TMEM266: variants seen among roughly 807,000 people sequenced by gnomAD.
TMEM266 encodes transmembrane protein 266, also known as Hv1 related protein 1.
TMEM266 carries 33 observed loss-of-function variants against 50.5 expected under a neutral mutation model. The observed-to-expected ratio is 0.65, with a 90% CI of 0.50 to 0.87. The LOEUF (loss-of-function observed/expected upper bound fraction) is 0.87, where lower values mean the gene tolerates loss of function less well. Ranked by LOEUF, TMEM266 falls within the 40% of genes least tolerant of loss-of-function variation. The pLI is 0.00. For synonymous variants in TMEM266, 310 were observed against 292.3 expected, an observed-to-expected ratio of 1.06 and a Z score of -0.62; for missense variants, 655 against 695.1, an observed-to-expected ratio of 0.94 and a Z score of 0.65.
At chr15:76,086,551 C>G (rs531921474) in intron 1 of TMEM266, among the ~76,000 whole-genome samples, 2 of 152,152 alleles carry the variant, frequency 1.3e-5, no homozygotes, top group Admixed American at 6.5e-5. Context: ...TGAAAGTACT[C>G]TCCACAGGCT....
At chr15:76,065,056 A>G (rs1296827421) in intron 1 of TMEM266, among the ~76,000 whole-genome samples, 3 of 152,368 alleles carry the variant, frequency 2.0e-5, no homozygotes, top group Non-Finnish European at 4.4e-5. Flanking sequence ...CTTTTAAAAA[A>G]CAATTTCTAT....
Position 76,166,233 on chromosome 15 carries a change from C to CG in TMEM266, c.457-3576dup, listed in dbSNP as rs906502247. ...GTGTCTGGGGAGGGGAAGGATGCTGCGGGGGGGAAAAGCCAGCAGGTGGGG... is the reference window on the plus strand; with the variant it reads ...GTGTCTGGGGAGGGGAAGGATGCTGCGGGGGGGGAAAAGCCAGCAGGTGGGG... On this transcript the variant is annotated intron_variant, in intron 5 of 10. Transcript: ENST00000388942. Among the ~76,000 whole-genome samples the CG allele has an allele frequency of 4.9e-4, 75 of 151,634 alleles. 1 individual carries two copies. The highest frequency in any genetic ancestry group is 1.1e-3 in the Admixed American group (17 of 15,224).
chr15:76,076,370 T>A (rs985673795), intron 1 of TMEM266, among the ~76,000 whole-genome samples: 1 of 152,078 alleles, frequency 6.6e-6, no homozygotes, highest in African/African-American at 2.4e-5. Flanking sequence ...AATACACTCC[T>A]TCTCTTGGAC....
At chr15:76,092,672 A>G (rs1029095322) in intron 1 of TMEM266, among the ~76,000 whole-genome samples, 3 of 151,578 alleles carry the variant, frequency 2.0e-5, no homozygotes, top group Admixed American at 1.3e-4. Flanking sequence ...CCTGGGCAAC[A>G]GAGCAAGACT....
intron 1 of TMEM266, among the ~76,000 whole-genome samples, chr15:76,065,893 C>T (rs540771389): frequency 1.3e-4 from 20 of 152,080 alleles, no homozygotes; most frequent in Non-Finnish European, 2.1e-4. Context: ...CCGCGCACTC[C>T]CCACTCAACC....
At chr15:76,167,615 C>T (rs1002442141) in intron 5 of TMEM266, among the ~76,000 whole-genome samples, 7 of 152,038 alleles carry the variant, frequency 4.6e-5, no homozygotes, top group Non-Finnish European at 8.8e-5. Flanking sequence ...AATTCTCCTG[C>T]CTCAGCCTTC....
chr15:76,109,637 G>A (rs2033685940), intron 1 of TMEM266, among the ~76,000 whole-genome samples: 1 of 152,096 alleles, frequency 6.6e-6, no homozygotes, highest in African/African-American at 2.4e-5. Flanking sequence ...CTCCAGCCTG[G>A]GTGACAGAAT....
chr15:76,146,403 T>C (rs939521753), intron 3 of TMEM266, among the ~76,000 whole-genome samples: 4 of 152,162 alleles, frequency 2.6e-5, no homozygotes, highest in Non-Finnish European at 5.9e-5. Context: ...TTTTATATCT[T>C]AGGGTTCTAA....
Position 76,128,260 on chromosome 15 carries a change from G to A in TMEM266, c.-96-5908G>A, listed in dbSNP as rs375107844. On this transcript the variant is annotated intron_variant, in intron 1 of 10. Coordinates refer to ENST00000388942, the MANE Select transcript of TMEM266 (RefSeq NM_152335.3). ...AGTAAGAGGTGATGAACAGACCTGG[G>A]GTCCTCTGGGGACAGGTGAGTTGAA... Among the ~76,000 whole-genome samples the A allele has an allele frequency of 5.9e-5, 9 of 152,306 alleles. No homozygotes were observed. In the East Asian group the frequency reaches 1.5e-3, roughly 26 times the overall value.
chr15:76,164,082 C>G (rs1044672775), intron 5 of TMEM266, among the ~76,000 whole-genome samples: 2 of 152,186 alleles, frequency 1.3e-5, no homozygotes, highest in Non-Finnish European at 2.9e-5. Context: ...TAGTAATCTG[C>G]TTTTGTCTCT....
intron 4 of TMEM266, among the ~76,000 whole-genome samples, chr15:76,159,613 G>A (rs1440818523): frequency 6.6e-6 from 1 of 152,156 alleles, no homozygotes; most frequent in Non-Finnish European, 1.5e-5. Context: ...TCGGTTTCCA[G>A]AATGAAAAGT....
intron 9 of TMEM266, among the ~76,000 whole-genome samples, chr15:76,197,765 G>A (rs1381965677): frequency 6.6e-6 from 1 of 152,092 alleles, no homozygotes; most frequent in Admixed American, 6.5e-5. Flanking sequence ...CATGTGGTTG[G>A]CGCCCCATGC....
intron 4 of TMEM266, among the ~76,000 whole-genome samples, chr15:76,157,876 T>C (rs2037950734): frequency 6.6e-6 from 1 of 152,048 alleles, no homozygotes; most frequent in Non-Finnish European, 1.5e-5. Flanking sequence ...TAGTCCCAGC[T>C]CCTCGGGAGG....
rs2038810832 is a variant in TMEM266 at position 76,204,714 on chromosome 15, A to C, written c.*399A>C. 2 of 160,268 alleles carry C rather than the reference A, an allele frequency of 1.2e-5. No homozygotes were observed. Among genetic ancestry groups the C allele is most frequent in the African/African-American group, 2.4e-5 (1 of 41,634 alleles). The allele number at this position is 160,268 out of a possible 1,614,324, so 9.9% of individuals were successfully genotyped here. On this transcript the variant is annotated 3_prime_UTR_variant, in exon 11 of 11. Coordinates refer to ENST00000388942, the MANE Select transcript of TMEM266 (RefSeq NM_152335.3). Reference sequence around the variant, plus strand: ...GCAGGGGCTGTCCAGCCCCACCCCTAAGCCGTCTTTCCCAGGAATCCTGGG... The same window carrying C: ...GCAGGGGCTGTCCAGCCCCACCCCTCAGCCGTCTTTCCCAGGAATCCTGGG...
At chr15:76,169,047 C>T (rs2038144954) in intron 5 of TMEM266, among the ~76,000 whole-genome samples, 1 of 152,194 alleles carries the variant, frequency 6.6e-6, no homozygotes, top group African/African-American at 2.4e-5. Flanking sequence ...TTGTTGGGGA[C>T]CCAGCAGGCT....
intron 9 of TMEM266, 67 bp downstream of exon 9, chr15:76,192,224 G>T (rs2142082583): frequency 1.0e-5 from 14 of 1,352,112 alleles, no homozygotes; most frequent in East Asian, 9.1e-5. Flanking sequence ...TCCCTCTCGC[G>T]CCCCGGGACT....
At chr15:76,199,786 AGCTGGAGCCCATAGTGAAAC>A (rs2038715038) in intron 9 of TMEM266, among the ~76,000 whole-genome samples, 2 of 116,684 alleles carry the variant, frequency 1.7e-5, no homozygotes, top group South Asian at 5.7e-4. Context: ...TTCTGGTCAC[AGCTGGAGCCCATAGTGAAAC>A]GTTCAGGGTG....
chr15:76,156,512 C>A, intron 3 of TMEM266, 92 bp from the exon 4 acceptor site: 1 of 1,368,672 alleles, frequency 7.3e-7, no homozygotes, highest in Non-Finnish European at 1.0e-6. Flanking sequence ...AGGAGTGACG[C>A]TGGTGGGTTT....
chr15:76,079,437 C>G (rs940788417), intron 1 of TMEM266, among the ~76,000 whole-genome samples: 1 of 145,372 alleles, frequency 6.9e-6, no homozygotes, highest in Non-Finnish European at 1.5e-5. Context: ...GATTTAGGGC[C>G]CACCTTAATC....
Sources: gnomAD v4.1 joint callset for allele counts (sites outside exome capture counted in the v4.1 genomes callset) on GRCh38, gnomAD v4.1.1 for gene constraint, MANE v1.5 for transcripts, NCBI Gene and HGNC (gene_info 2026-07-23, HGNC 2026-07-21) for gene names.